PDILT: variants seen among roughly 807,000 people sequenced by gnomAD.
PDILT encodes the protein protein disulfide isomerase like, testis expressed, also known as protein disulfide-isomerase-like protein of the testis.
Under a neutral mutation model 53.7 loss-of-function variants are expected in PDILT, and 43 were observed. That is an observed-to-expected ratio of 0.80 (90% confidence interval 0.63 to 1.03). The LOEUF is 1.03. Among genes scored for constraint, PDILT ranks in the 50% least tolerant of loss-of-function variants. PDILT has a pLI of 0.00. For synonymous variants in PDILT, 282 were observed against 274.2 expected (o/e 1.03, Z -0.28); for missense variants, 727 against 712.3 (o/e 1.02, Z -0.24).
intron 2 of PDILT, chr16:20,388,645 C>G (rs992023747): frequency 2.0e-5 from 3 of 152,212 alleles, no homozygotes; most frequent in African/African-American, 7.2e-5. Context: ...GGCGTGGTGA[C>G]TCCACGCCTG....
At chr16:20,361,164 C>T (rs1344417523) in intron 10 of PDILT, among the ~76,000 whole-genome samples, 2 of 150,376 alleles carry the variant, frequency 1.3e-5, no homozygotes, top group Non-Finnish European at 3.0e-5. Context: ...ATGGTCAGTG[C>T]TCCATTATCA....
intron 3 of PDILT, among the ~76,000 whole-genome samples, chr16:20,383,940 C>G (rs529199196): frequency 6.6e-6 from 1 of 152,324 alleles, no homozygotes; most frequent in South Asian, 2.1e-4. Context: ...TAGGGCTTGG[C>G]ACATGGTAGC....
intron 2 of PDILT, among the ~76,000 whole-genome samples, chr16:20,398,824 T>G (rs1041556855): frequency 5.9e-5 from 9 of 152,122 alleles, no homozygotes; most frequent in African/African-American, 2.2e-4. Flanking sequence ...TACAGACACC[T>G]CGGGTTAAAG....
intron 1 of PDILT, among the ~76,000 whole-genome samples, chr16:20,400,061 TA>T (rs1196789470): frequency 1.9e-5 from 2 of 105,330 alleles, no homozygotes; most frequent in Non-Finnish European, 3.9e-5. Context: ...TATCTATATA[TA>T]TATATATATA....
At position 20,359,566 on chromosome 16, in the gene PDILT, A is replaced by G. The variant is rs980196851; in HGVS notation, c.1508T>C (p.Leu503Pro). The G allele has an allele frequency of 6.2e-7, 1 of 1,613,244 alleles. No individual in the cohort carries two copies. The highest frequency in any genetic ancestry group is 8.5e-7 in the Non-Finnish European group (1 of 1,179,308). The change falls in exon 12 of 12, where the codon CTG becomes CCG. Residue 503 changes from leucine (L) to proline (P), a missense_variant and splice_region_variant. By Grantham distance (98) the Leu-to-Pro change is moderately conservative (BLOSUM62 -3). Transcript: ENST00000302451. ...IKTKIEDEDE[L>P]LSVEQNEVIE... ...CACTTCATTTTGCTCAACAGACAACAGCTATGAAAGCAAAGGTGGAAGGAA... is the reference window on the plus strand; with the variant it reads ...CACTTCATTTTGCTCAACAGACAACGGCTATGAAAGCAAAGGTGGAAGGAA...
At chr16:20,388,214 A>C (rs1455201312) in intron 2 of PDILT, among the ~76,000 whole-genome samples, 4 of 152,206 alleles carry the variant, frequency 2.6e-5, no homozygotes, top group Non-Finnish European at 5.9e-5. Flanking sequence ...CGATGTTGAT[A>C]ATGAGAATAG....
At chr16:20,403,149 C>G (rs1043240388) in intron 1 of PDILT, among the ~76,000 whole-genome samples, 1 of 152,140 alleles carries the variant, frequency 6.6e-6, no homozygotes, top group Non-Finnish European at 1.5e-5. Flanking sequence ...CCCTGTATGC[C>G]GTGGAGAGAC....
chr16:20,368,962 G>C lies in PDILT; in HGVS notation c.1116+530C>G, dbSNP rs570689618. 2.0e-4 allele frequency among the ~76,000 whole-genome samples: 31 copies of C among 152,290 alleles called. No homozygotes were observed. In the South Asian group the frequency reaches 6.0e-3, roughly 30 times the overall value. ...GGTTACCTTACTCAGCAGAGTAGCT[G>C]TGGAGACATAGACAGTGGGTGACTA... On this transcript the variant is annotated intron_variant, in intron 8 of 11. Coordinates refer to ENST00000302451, the MANE Select transcript of PDILT (RefSeq NM_174924.2).
At chr16:20,375,052 C>A in intron 4 of PDILT, 93 bp from the exon 5 acceptor site, 1 of 1,394,326 alleles carries the variant, frequency 7.2e-7, no homozygotes, top group South Asian at 1.5e-5. Context: ...TGATTCGTCT[C>A]TTCACTTTTT....
In PDILT at chr16:20,365,485, T is replaced by C; in HGVS notation, c.1172A>G (p.Gln391Arg). The part of the protein sequence containing the change: ...PKYWDQGLVK[Q>R]LVGKNFNVVV... The stretch of plus-strand genomic sequence containing the variant: ...TACGTTGAAGTTCTTCCCCACGAGC[T>C]GCTTAACCAGTCCCTGGTCCCAGTA... Residue 391 changes from glutamine to arginine, a missense_variant, in exon 9 of 12, where the codon CAG becomes CGG. Gln to Arg is a conservative substitution (Grantham distance 43, BLOSUM62 1). Transcript: ENST00000302451. 1 of 1,614,014 alleles carries C rather than the reference T, an allele frequency of 6.2e-7. No homozygotes were observed.
intron 3 of PDILT, among the ~76,000 whole-genome samples, chr16:20,383,598 C>G (rs1966491535): frequency 6.6e-6 from 1 of 152,144 alleles, no homozygotes; most frequent in Non-Finnish European, 1.5e-5. Flanking sequence ...TGTGTCCATT[C>G]TGAGAACTGC....
intron 2 of PDILT, chr16:20,390,743 C>CA (rs1475552933): frequency 6.6e-6 from 1 of 152,190 alleles, no homozygotes; most frequent in East Asian, 1.9e-4. Context: ...CAGCACAGTG[C>CA]AAGAAGATGA....
At chr16:20,383,714 C>T (rs1288169289) in intron 3 of PDILT, among the ~76,000 whole-genome samples, 1 of 152,190 alleles carries the variant, frequency 6.6e-6, no homozygotes, top group African/African-American at 2.4e-5. Context: ...GTTTCCGTTA[C>T]TCAAGACTCA....
At chr16:20,375,496 A>T (rs771353570) in intron 4 of PDILT, among the ~76,000 whole-genome samples, 1 of 152,236 alleles carries the variant, frequency 6.6e-6, no homozygotes, top group Non-Finnish European at 1.5e-5. Context: ...ATTAGGACAC[A>T]TGAGAAACTC....
intron 5 of PDILT, among the ~76,000 whole-genome samples, chr16:20,374,047 A>G (rs965457415): frequency 2.6e-5 from 4 of 152,004 alleles, no homozygotes; most frequent in Non-Finnish European, 5.9e-5. Context: ...TCCCAGATTC[A>G]ATCCTCCTGC....
At chr16:20,366,936 T>TTCC (rs1966200725) in intron 8 of PDILT, among the ~76,000 whole-genome samples, 3 of 35,668 alleles carry the variant, frequency 8.4e-5, no homozygotes, top group Non-Finnish European at 2.7e-4. Flanking sequence ...AACCAAATTC[T>TTCC]TTCCTTCCTT....
intron 2 of PDILT, among the ~76,000 whole-genome samples, chr16:20,389,097 C>A (rs546327763): frequency 9.6e-4 from 146 of 152,204 alleles, no homozygotes; most frequent in African/African-American, 3.4e-3. Context: ...GGCACTTAGG[C>A]TGAGCAGTGC....
intron 10 of PDILT, among the ~76,000 whole-genome samples, chr16:20,362,183 G>T (rs916474727): frequency 2.6e-5 from 4 of 152,210 alleles, no homozygotes; most frequent in Admixed American, 2.6e-4. Flanking sequence ...CAGTGGTTGG[G>T]TCAGGGATAT....
chr16:20,384,158 G>C (rs141160478), intron 3 of PDILT, among the ~76,000 whole-genome samples: 2 of 152,212 alleles, frequency 1.3e-5, no homozygotes, highest in East Asian at 3.9e-4. Context: ...GTGGGAAGTG[G>C]AGTTAGAACT....
Sources: gnomAD v4.1 joint callset for allele counts (sites outside exome capture counted in the v4.1 genomes callset) on GRCh38, gnomAD v4.1.1 for gene constraint, MANE v1.5 for transcripts, NCBI Gene and HGNC (gene_info 2026-07-23, HGNC 2026-07-21) for gene names.